MED12L: variants seen among roughly 807,000 people sequenced by gnomAD.
The protein encoded by MED12L is mediator complex subunit 12L, also known as mediator of RNA polymerase II transcription subunit 12-like protein.
In MED12L, 60 loss-of-function variants were observed where a neutral mutation model predicts 281.3. The ratio of observed to expected loss-of-function variants is 0.21; its 90% confidence interval spans 0.17 to 0.26. The LOEUF is 0.26. MED12L is among the 10% of genes least tolerant of loss of function. MED12L has a pLI of 1.00. For synonymous variants in MED12L, 974 were observed against 987.2 expected (o/e 0.99, Z 0.25); for missense variants, 2,146 against 2,680.9 (o/e 0.80, Z 4.41).
intron 16 of MED12L, among the ~76,000 whole-genome samples, chr3:151,231,072 G>A (rs967121528): frequency 2.6e-5 from 4 of 152,216 alleles, no homozygotes; most frequent in African/African-American, 9.7e-5. Flanking sequence ...GCATTAATGA[G>A]AATGATAGCA....
intron 16 of MED12L, among the ~76,000 whole-genome samples, chr3:151,250,540 G>C (rs1247636378): frequency 6.6e-6 from 1 of 151,934 alleles, no homozygotes; most frequent in Admixed American, 6.6e-5. Flanking sequence ...GTCCTTTTTT[G>C]ACTGGCTTAA....
At chr3:151,227,406 G>C (rs1193294047) in intron 16 of MED12L, among the ~76,000 whole-genome samples, 1 of 151,804 alleles carries the variant, frequency 6.6e-6, no homozygotes, top group African/African-American at 2.4e-5. Flanking sequence ...TTGATTATGT[G>C]TGAGAATGGT....
intron 16 of MED12L, among the ~76,000 whole-genome samples, chr3:151,275,883 A>G (rs967181205): frequency 1.3e-4 from 20 of 152,168 alleles, no homozygotes; most frequent in Admixed American, 1.0e-3. Context: ...TTTAGGAGGC[A>G]ATGCATCTTT....
intron 32 of MED12L, 41 bp downstream of exon 32, chr3:151,380,265 T>C: frequency 7.6e-7 from 1 of 1,316,876 alleles, no homozygotes; most frequent in Non-Finnish European, 1.1e-6. Flanking sequence ...AATATCTTTC[T>C]AACGGCATTC....
At chr3:151,097,469 C>G (rs933430143) in intron 2 of MED12L, among the ~76,000 whole-genome samples, 4 of 152,192 alleles carry the variant, frequency 2.6e-5, no homozygotes, top group Non-Finnish European at 4.4e-5. Context: ...CTTGTATTTC[C>G]TACTGTGTCA....
At chr3:151,132,897 T>C (rs1221219828) in intron 5 of MED12L, among the ~76,000 whole-genome samples, 6 of 152,224 alleles carry the variant, frequency 3.9e-5, no homozygotes, top group Non-Finnish European at 8.8e-5. Context: ...CATAATGTAA[T>C]GTAGCAAGTT....
chr3:151,125,147 C>T (rs879673461), intron 4 of MED12L, among the ~76,000 whole-genome samples: 4 of 152,194 alleles, frequency 2.6e-5, no homozygotes, highest in Admixed American at 6.5e-5. Context: ...TACTGAATAA[C>T]ATGTAATGCA....
chr3:151,427,557 A>AG (rs1488156225), intron 43 of MED12L, among the ~76,000 whole-genome samples: 1 of 152,242 alleles, frequency 6.6e-6, no homozygotes, highest in Non-Finnish European at 1.5e-5. Context: ...AACATAAAGA[A>AG]GGCAGCTATG....
chr3:151,362,935 C>T (rs1754798220), intron 21 of MED12L, among the ~76,000 whole-genome samples: 1 of 152,118 alleles, frequency 6.6e-6, no homozygotes. Context: ...TTTCAGCTTA[C>T]ATTTTTCAAA....
intron 43 of MED12L, among the ~76,000 whole-genome samples, chr3:151,417,431 C>T (rs1299295585): frequency 6.7e-6 from 1 of 148,928 alleles, no homozygotes; most frequent in African/African-American, 2.5e-5. Flanking sequence ...ATCCATAGTA[C>T]ATTTAACAAA....
In MED12L at chr3:151,380,019, T is replaced by C. The variant is rs1711967560; in HGVS notation, c.4479-94T>C. ...CTTTGGCTATTTACCACCTCTCTTA[T>C]TTATCTAATAGTGAGGCAAAGAAAT... is the stretch of plus-strand genomic sequence containing the variant. On this transcript the variant is annotated intron_variant, in intron 31 of 44. Transcript: ENST00000687756. The C allele has an allele frequency of 1.2e-5, 9 of 753,384 alleles. No homozygotes were observed. The South Asian group carries it at 1.7e-4, about 14-fold the overall frequency. 46.7% of individuals were successfully genotyped at this position (753,384 alleles called of 1,614,324 possible).
chr3:151,246,434 T>C (rs988027403), intron 16 of MED12L, among the ~76,000 whole-genome samples: 1 of 151,794 alleles, frequency 6.6e-6, no homozygotes, highest in Non-Finnish European at 1.5e-5. Flanking sequence ...TATAGATCAA[T>C]GGAACAGAAC....
intron 40 of MED12L, 71 bp from the exon 41 acceptor site, chr3:151,411,207 A>T (rs188803984): frequency 7.3e-7 from 1 of 1,362,114 alleles, no homozygotes; most frequent in East Asian, 2.3e-5. Context: ...TTTTTGCCCC[A>T]TATATCGTAG....
At chr3:151,395,022 T>C (rs1714778745) in intron 39 of MED12L, among the ~76,000 whole-genome samples, 155 bp downstream of exon 39, 1 of 152,230 alleles carries the variant, frequency 6.6e-6, no homozygotes, top group Non-Finnish European at 1.5e-5. Flanking sequence ...TTGTAAATAG[T>C]TTTCCTCCAT....
intron 16 of MED12L, chr3:151,327,101 A>G (rs1749701486): frequency 2.0e-5 from 3 of 152,302 alleles, no homozygotes; most frequent in South Asian, 4.1e-4. Flanking sequence ...AAGCTTTAAC[A>G]TTTTTAGCGG....
intron 44 of MED12L, among the ~76,000 whole-genome samples, chr3:151,432,132 C>G (rs544415111): frequency 6.6e-6 from 1 of 152,200 alleles, no homozygotes; most frequent in Non-Finnish European, 1.5e-5. Context: ...ATGGGGCCTC[C>G]GGATTTGAAT....
chr3:151,258,681 C>G (rs921331060), intron 16 of MED12L, among the ~76,000 whole-genome samples: 3 of 152,002 alleles, frequency 2.0e-5, no homozygotes, highest in South Asian at 4.1e-4. Flanking sequence ...GAAACCCCGT[C>G]TCTACTAAAA....
chr3:151,295,089 A>G (rs1744902823), intron 16 of MED12L: 3 of 1,613,424 alleles, frequency 1.9e-6, no homozygotes, highest in Admixed American at 1.7e-5. Flanking sequence ...CTTGCCACAA[A>G]TATAATGAGA....
chr3:151,365,814 C>G, intron 22 of MED12L, 36 bp from the exon 23 acceptor site: 1 of 1,553,688 alleles, frequency 6.4e-7, no homozygotes, highest in South Asian at 1.2e-5. Context: ...CTCTTTTGTA[C>G]AAGGTTACTT....
Sources: gnomAD v4.1 joint callset for allele counts (sites outside exome capture counted in the v4.1 genomes callset) on GRCh38, gnomAD v4.1.1 for gene constraint, MANE v1.5 for transcripts, NCBI Gene and HGNC (gene_info 2026-07-23, HGNC 2026-07-21) for gene names.